ZNF267: variants seen among roughly 807,000 people sequenced by gnomAD.
ZNF267 encodes zinc finger (C2H2).
ZNF267 carries 61 observed loss-of-function variants against 71.6 expected under a neutral mutation model. That is an observed-to-expected ratio of 0.85 (90% confidence interval 0.69 to 1.05). The LOEUF is 1.05. ZNF267 is among the 50% of genes least tolerant of loss of function. The pLI is 0.00. For missense variants in ZNF267, 852 were observed against 870.0 expected (o/e 0.98, Z 0.26); for synonymous variants, 288 against 293.2 (o/e 0.98, Z 0.18).
chr16:31,909,888 C>T (rs2084123329), intron 3 of ZNF267, among the ~76,000 whole-genome samples: 1 of 152,196 alleles, frequency 6.6e-6, no homozygotes, highest in African/African-American at 2.4e-5. Flanking sequence ...CAGGATGATA[C>T]TAGCTGTGGA....
Position 31,915,596 on chromosome 16 carries a change from A to T in ZNF267, c.1347A>T (p.Ser449=), listed in dbSNP as rs768643998. 1 of 1,613,754 alleles carries T rather than the reference A, an allele frequency of 6.2e-7. No homozygotes were observed. Among genetic ancestry groups the T allele is most frequent in the Non-Finnish European group, 8.5e-7 (1 of 1,179,956 alleles). Reference sequence around the variant, plus strand: ...GTGGAAAAGCTTTTAACCGTAGTTCATGCCTTACTCAACATCAGACAACTC... The same window carrying T: ...GTGGAAAAGCTTTTAACCGTAGTTCTTGCCTTACTCAACATCAGACAACTC... ...KECGKAFNRS[S]CLTQHQTTHT... is the part of the protein sequence containing the mutation. Residue 449 remains serine (S), a synonymous_variant, in exon 4 of 4, where the codon TCA becomes TCT. Transcript: ENST00000300870.
intron 1 of ZNF267, chr16:31,875,124 T>G: frequency 7.8e-7 from 1 of 1,289,124 alleles, no homozygotes. Flanking sequence ...GTCTTTTGAC[T>G]TGAGGTTTTG....
Position 31,881,941 on chromosome 16 carries a change from C to T in ZNF267, c.4-2557C>T, listed in dbSNP as rs185268342. On this transcript the variant is annotated intron_variant, in intron 1 of 3. Coordinates refer to ENST00000300870, the MANE Select transcript of ZNF267 (RefSeq NM_003414.6). ...TTGGCTTCCCAAAGTGCTGGGATTA[C>T]AGGCGTGAGCCACCGTGCCCAGTGG... Among the ~76,000 whole-genome samples, 291 of 152,278 alleles carry T rather than the reference C, an allele frequency of 1.9e-3. 2 individuals carry two copies. The highest frequency in any genetic ancestry group is 3.3e-3 in the Non-Finnish European group (225 of 68,018).
At chr16:31,881,568 C>A (rs2142331750) in intron 1 of ZNF267, among the ~76,000 whole-genome samples, 1 of 152,178 alleles carries the variant, frequency 6.6e-6, no homozygotes, top group East Asian at 1.9e-4. Context: ...TTCCACCTGG[C>A]AACATCTTTT....
At chr16:31,877,221 G>A (rs1018639512) in intron 1 of ZNF267, among the ~76,000 whole-genome samples, 1 of 151,906 alleles carries the variant, frequency 6.6e-6, no homozygotes, top group Non-Finnish European at 1.5e-5. Context: ...CCCAGACTGA[G>A]GCTTGCAGTA....
intron 3 of ZNF267, among the ~76,000 whole-genome samples, chr16:31,904,538 T>C (rs2084071236): frequency 6.6e-6 from 1 of 152,254 alleles, no homozygotes; most frequent in Non-Finnish European, 1.5e-5. Context: ...TACCATTATG[T>C]AATGGCCTTC....
At chr16:31,885,094 A>G in intron 2 of ZNF267, 67 bp from the exon 3 acceptor site, 1 of 1,368,376 alleles carries the variant, frequency 7.3e-7, no homozygotes, top group Non-Finnish European at 9.8e-7. Flanking sequence ...GGGCCAAAAA[A>G]AAGTATAAAA....
At chr16:31,897,113 C>G (rs2084004982) in intron 3 of ZNF267, among the ~76,000 whole-genome samples, 1 of 150,496 alleles carries the variant, frequency 6.6e-6, no homozygotes, top group Non-Finnish European at 1.5e-5. Flanking sequence ...ATTTACAAAA[C>G]CTGAACACAA....
At chr16:31,899,140 A>G (rs1474486190) in intron 3 of ZNF267, among the ~76,000 whole-genome samples, 1 of 152,198 alleles carries the variant, frequency 6.6e-6, no homozygotes, top group Non-Finnish European at 1.5e-5. Context: ...GAAAATTAAC[A>G]AGGATATCTA....
chr16:31,880,767 T>C (rs1191630855), intron 1 of ZNF267, among the ~76,000 whole-genome samples: 1 of 152,174 alleles, frequency 6.6e-6, no homozygotes, highest in Admixed American at 6.5e-5. Context: ...GTTGCTCCAG[T>C]TTTCTAATGT....
chr16:31,898,252 GATGTA>G (rs986046822), intron 3 of ZNF267, among the ~76,000 whole-genome samples: 52 of 152,104 alleles, frequency 3.4e-4, no homozygotes, highest in African/African-American at 1.2e-3. Context: ...GACAGTTTTT[GATGTA>G]ATGTATATTT....
At position 31,915,658 on chromosome 16, in the gene ZNF267, G is replaced by A. The variant is rs1408799272; in HGVS notation, c.1409G>A (p.Ser470Asn). The change falls in exon 4 of 4, where the codon AGC becomes AAC. Residue 470 changes from serine to asparagine, a missense_variant. Ser to Asn is a conservative substitution (Grantham distance 46). Coordinates refer to ENST00000300870, the MANE Select transcript of ZNF267 (RefSeq NM_003414.6). ...AAACTTTACAAATGTAAAGTATGTA[G>A]CAAATCTTATGCTCGTTCTTCAAAT... ...GEKLYKCKVC[S>N]KSYARSSNLI... 6.2e-7 allele frequency: 1 copy of A among 1,613,736 alleles called. No homozygotes were observed. Among genetic ancestry groups the A allele is most frequent in the Admixed American group, 1.7e-5 (1 of 60,000 alleles).
intron 1 of ZNF267, among the ~76,000 whole-genome samples, chr16:31,877,947 A>G (rs2083863663): frequency 2.0e-5 from 3 of 151,948 alleles, no homozygotes; most frequent in South Asian, 4.2e-4. Flanking sequence ...GATTGAACTT[A>G]AGGATAGGGT....
At chr16:31,884,837 C>T (rs912706136) in intron 2 of ZNF267, among the ~76,000 whole-genome samples, 10 of 152,044 alleles carry the variant, frequency 6.6e-5, no homozygotes, top group South Asian at 2.1e-4. Context: ...TCACTCTAGT[C>T]GTGATTCTAG....
intron 3 of ZNF267, among the ~76,000 whole-genome samples, chr16:31,886,593 C>T (rs1056874637): frequency 6.6e-6 from 1 of 152,184 alleles, no homozygotes; most frequent in Non-Finnish European, 1.5e-5. Context: ...AATTGTTTTC[C>T]ATAAAACTGG....
In ZNF267 at chr16:31,873,874, G is replaced by A. The variant is rs367609414; in HGVS notation, c.-93G>A. ...TTCTGGGAGGCCCAGGCGGCTTCGC[G>A]TTCTGAGAATAAACAGAACCTCTGT... On this transcript the variant is annotated 5_prime_UTR_variant, in exon 1 of 4. Transcript: ENST00000300870. The A allele has an allele frequency of 1.3e-4, 202 of 1,579,882 alleles. 2 individuals carry two copies. In the East Asian group the frequency reaches 3.6e-3, roughly 28 times the overall value.
At chr16:31,909,296 T>A (rs899996972) in intron 3 of ZNF267, among the ~76,000 whole-genome samples, 6 of 151,820 alleles carry the variant, frequency 4.0e-5, no homozygotes, top group African/African-American at 1.5e-4. Context: ...CGTGCCTGGC[T>A]AATTTTTTGT....
chr16:31,911,054 ATAT>A (rs991005376), intron 3 of ZNF267, among the ~76,000 whole-genome samples: 5 of 151,480 alleles, frequency 3.3e-5, no homozygotes, highest in Non-Finnish European at 7.4e-5. Flanking sequence ...GAGATGTTTG[ATAT>A]TATTTCACTT....
Position 31,914,596 on chromosome 16 carries a change from G to A in ZNF267, c.347G>A (p.Arg116Lys). The A allele has an allele frequency of 6.2e-7, 1 of 1,614,080 alleles. No individual in the cohort carries two copies. Among genetic ancestry groups the A allele is most frequent in the South Asian group, 1.1e-5 (1 of 91,078 alleles). ...CDLENLHLRK[R>K]WKREECEGHN... ...CTTGAGAATTTACATTTAAGAAAAA[G>A]GTGGAAAAGGGAGGAGTGTGAAGGG... The change falls in exon 4 of 4, where the codon AGG becomes AAG. Residue 116 changes from arginine to lysine, a missense_variant. Physicochemically the swap from Arg to Lys is conservative, Grantham distance 26 (BLOSUM62 2). Transcript: ENST00000300870.
Sources: allele counts gnomAD v4.1 joint callset (sites outside exome capture counted in the v4.1 genomes callset), GRCh38; gene constraint gnomAD v4.1.1; transcripts MANE v1.5; gene names NCBI Gene and HGNC (gene_info 2026-07-23, HGNC 2026-07-21).